The following CACNA1D variants were observed in gnomAD, a reference collection of about 807,000 sequenced individuals.
The protein encoded by CACNA1D is voltage-dependent L-type calcium channel subunit alpha-1D.
Under a neutral mutation model 257.1 loss-of-function variants are expected in CACNA1D, and 55 were observed. The ratio of observed to expected loss-of-function variants is 0.21; its 90% CI spans 0.17 to 0.27. The LOEUF is 0.27. CACNA1D is among the 10% of genes least tolerant of loss of function. CACNA1D has a pLI of 1.00. For missense variants in CACNA1D, 1,876 were observed against 2,784.0 expected, an observed-to-expected ratio of 0.67 and a Z score of 7.34; for synonymous variants, 980 against 1,014.9, an observed-to-expected ratio of 0.97 and a Z score of 0.65.
chr3:53,799,198 G>C (rs2095523241), intron 40 of CACNA1D, among the ~76,000 whole-genome samples: 1 of 152,194 alleles, frequency 6.6e-6, no homozygotes, highest in African/African-American at 2.4e-5. Context: ...TTCAGATGCA[G>C]GACTTTCTGT....
At chr3:53,619,458 G>A (rs1576115268) in intron 3 of CACNA1D, among the ~76,000 whole-genome samples, 1 of 152,216 alleles carries the variant, frequency 6.6e-6, no homozygotes, top group Non-Finnish European at 1.5e-5. Context: ...TATAACCAGT[G>A]CTCCTAAATG....
At position 53,723,131 on chromosome 3, in the gene CACNA1D, G is replaced by A. The variant is rs1334866869; in HGVS notation, c.1667-303G>A. Among the ~76,000 whole-genome samples, 1 of 152,136 alleles carries A rather than the reference G, an allele frequency of 6.6e-6. No homozygotes were observed. Among genetic ancestry groups the A allele is most frequent in the Non-Finnish European group, 1.5e-5 (1 of 68,030 alleles). On this transcript the variant is annotated intron_variant, in intron 12 of 47. Transcript: ENST00000350061. The surrounding 1 kb of genome is among the most constrained non-coding windows in gnomAD (Gnocchi z 5.6). ...AATCGTAGGCTTTTAGGGCTGGAAG[G>A]AGTCAGAGATTATGTGATGAGCTGC...
At chr3:53,658,843 T>G (rs1481179757) in intron 4 of CACNA1D, among the ~76,000 whole-genome samples, 1 of 152,176 alleles carries the variant, frequency 6.6e-6, no homozygotes, top group Non-Finnish European at 1.5e-5. Flanking sequence ...ACCGGGCTTG[T>G]TTTCCCTCCT....
At chr3:53,667,364 T>A (rs1381964572) in intron 7 of CACNA1D, among the ~76,000 whole-genome samples, 5 of 152,050 alleles carry the variant, frequency 3.3e-5, no homozygotes, top group Admixed American at 2.6e-4. Flanking sequence ...GTTTAGAAAT[T>A]GTTTTTCACG....
chr3:53,550,982 C>G (rs908509058), intron 3 of CACNA1D, among the ~76,000 whole-genome samples: 12 of 152,142 alleles, frequency 7.9e-5, no homozygotes, highest in South Asian at 2.1e-4. Flanking sequence ...GGTATCAAGA[C>G]AAAGTGATTA....
intron 3 of CACNA1D, among the ~76,000 whole-genome samples, chr3:53,562,490 T>A (rs948174563): frequency 2.2e-4 from 33 of 152,230 alleles, no homozygotes; most frequent in African/African-American, 8.0e-4. Flanking sequence ...AACTTTTATT[T>A]TTTTAAAGCT....
intron 3 of CACNA1D, among the ~76,000 whole-genome samples, chr3:53,527,882 A>C (rs1468855992): frequency 1.3e-5 from 2 of 152,244 alleles, no homozygotes; most frequent in African/African-American, 2.4e-5. Flanking sequence ...AGTCAAAAGC[A>C]TTGTACATGA....
chr3:53,740,180 G>A (rs2095102107), intron 20 of CACNA1D, 100 bp from the exon 21 acceptor site: 1 of 875,946 alleles, frequency 1.1e-6, no homozygotes, highest in Admixed American at 1.7e-5. Context: ...TTCCTGGAGG[G>A]ATGGGTCTCT....
intron 3 of CACNA1D, among the ~76,000 whole-genome samples, chr3:53,529,683 A>G (rs1482162032): frequency 1.3e-5 from 2 of 152,226 alleles, no homozygotes; most frequent in East Asian, 1.9e-4. Flanking sequence ...AATGGCATAC[A>G]TAACTGTTGT....
chr3:53,554,006 C>A (rs2092589861), intron 3 of CACNA1D, among the ~76,000 whole-genome samples: 4 of 151,814 alleles, frequency 2.6e-5, no homozygotes, highest in Admixed American at 2.6e-4. Context: ...ACCATCCTGG[C>A]TAACACAGTG....
intron 3 of CACNA1D, among the ~76,000 whole-genome samples, chr3:53,584,267 G>A (rs1400194844): frequency 2.6e-5 from 4 of 152,196 alleles, no homozygotes; most frequent in Non-Finnish European, 5.9e-5. Context: ...CCCTCAGCAA[G>A]CTTTCTGAAC....
intron 21 of CACNA1D, among the ~76,000 whole-genome samples, chr3:53,742,748 G>A (rs2095130155): frequency 6.6e-6 from 1 of 152,222 alleles, no homozygotes; most frequent in East Asian, 1.9e-4. Context: ...CATGCCAACA[G>A]TGTATTCATA....
intron 27 of CACNA1D, among the ~76,000 whole-genome samples, chr3:53,750,766 G>C (rs1038905596): frequency 1.3e-5 from 2 of 152,174 alleles, no homozygotes; most frequent in African/African-American, 2.4e-5. Flanking sequence ...TCAGAGCAGC[G>C]CCGGGTCCCA....
intron 3 of CACNA1D, among the ~76,000 whole-genome samples, chr3:53,572,535 G>A (rs550215684): frequency 8.5e-5 from 13 of 152,172 alleles, no homozygotes; most frequent in African/African-American, 2.6e-4. Flanking sequence ...GAGTAGCTGG[G>A]ACTACAGGCA....
intron 45 of CACNA1D, among the ~76,000 whole-genome samples, chr3:53,806,086 A>G (rs1315237277): frequency 1.9e-5 from 2 of 102,762 alleles, no homozygotes; most frequent in East Asian, 5.9e-4. Context: ...ATCTTCCCTC[A>G]TCTTCCTCCT....
intron 3 of CACNA1D, among the ~76,000 whole-genome samples, chr3:53,543,537 A>G (rs1261644232): frequency 6.6e-6 from 1 of 152,246 alleles, no homozygotes; most frequent in Non-Finnish European, 1.5e-5. Context: ...ACCCAGGAAT[A>G]CATCAACCAG....
chr3:53,621,785 G>A (rs924309633), intron 3 of CACNA1D, among the ~76,000 whole-genome samples: 8 of 152,080 alleles, frequency 5.3e-5, no homozygotes, highest in African/African-American at 1.4e-4. Context: ...ACAAGCGAGC[G>A]ATTTTTTTAA....
chr3:53,553,824 C>A (rs780846027), intron 3 of CACNA1D, among the ~76,000 whole-genome samples: 2 of 151,222 alleles, frequency 1.3e-5, no homozygotes, highest in Non-Finnish European at 2.9e-5. Flanking sequence ...CTGGTGAGTT[C>A]AAAGGTTCTT....
chr3:53,573,277 C>T (rs558164866), intron 3 of CACNA1D, among the ~76,000 whole-genome samples: 36 of 152,286 alleles, frequency 2.4e-4, no homozygotes, highest in African/African-American at 7.5e-4. Context: ...TTTGCACCCC[C>T]GTAGGAGCGT....
Sources: allele counts gnomAD v4.1 joint callset (sites outside exome capture counted in the v4.1 genomes callset), GRCh38; gene constraint gnomAD v4.1.1; non-coding constraint Gnocchi (gnomAD v3.1); transcripts MANE v1.5; gene names NCBI Gene and HGNC (gene_info 2026-07-23, HGNC 2026-07-21).